PRKCE: variants seen among roughly 807,000 people sequenced by gnomAD.
The protein encoded by PRKCE is protein kinase C epsilon type.
Under a neutral mutation model 85.4 loss-of-function variants are expected in PRKCE, and 16 were observed. The ratio of observed to expected loss-of-function variants is 0.19; its 90% confidence interval spans 0.13 to 0.28. PRKCE has a LOEUF of 0.28. PRKCE is among the 10% of genes least tolerant of loss of function. PRKCE has a pLI of 1.00. For missense variants in PRKCE, 573 were observed against 975.2 expected (o/e 0.59, Z 5.49); for synonymous variants, 388 against 371.5 (o/e 1.04, Z -0.51).
intron 1 of PRKCE, chr2:45,840,663 G>A (rs1341126138): frequency 6.6e-6 from 1 of 152,210 alleles, no homozygotes; most frequent in East Asian, 1.9e-4. Flanking sequence ...CTCCCACGAG[G>A]CACTGAAGAG....
chr2:46,035,785 T>G (rs1418703838), intron 10 of PRKCE, among the ~76,000 whole-genome samples: 1 of 152,216 alleles, frequency 6.6e-6, no homozygotes, highest in Non-Finnish European at 1.5e-5. Flanking sequence ...ATAACAGATA[T>G]GCATTAATTT....
chr2:45,813,031 T>C, intron 1 of PRKCE, among the ~76,000 whole-genome samples: 1 of 152,256 alleles, frequency 6.6e-6, no homozygotes, highest in East Asian at 1.9e-4. Context: ...TTGAAAATTC[T>C]ATCTCTGGGG....
At chr2:45,977,060 C>A (rs1702512437) in intron 3 of PRKCE, among the ~76,000 whole-genome samples, 1 of 151,950 alleles carries the variant, frequency 6.6e-6, no homozygotes, top group Non-Finnish European at 1.5e-5. Flanking sequence ...CCACGCCTGG[C>A]TAATTTTTGT....
At chr2:46,032,014 A>G (rs979708448) in intron 10 of PRKCE, among the ~76,000 whole-genome samples, 1 of 152,176 alleles carries the variant, frequency 6.6e-6, no homozygotes. Flanking sequence ...CTTCCAGCAA[A>G]TATTAACAAT....
At chr2:46,060,637 C>G (rs1406546612) in intron 10 of PRKCE, among the ~76,000 whole-genome samples, 1 of 152,128 alleles carries the variant, frequency 6.6e-6, no homozygotes, top group Non-Finnish European at 1.5e-5. Flanking sequence ...GATTATAAGA[C>G]ACCCCTCCTC....
intron 1 of PRKCE, among the ~76,000 whole-genome samples, chr2:45,782,958 C>T (rs1686311298): frequency 6.6e-6 from 1 of 152,150 alleles, no homozygotes; most frequent in African/African-American, 2.4e-5. Flanking sequence ...CAGGTACTTC[C>T]TCTATATTAT....
intron 5 of PRKCE, among the ~76,000 whole-genome samples, chr2:45,982,369 A>T (rs1202975399): frequency 6.6e-6 from 1 of 152,204 alleles, no homozygotes; most frequent in Non-Finnish European, 1.5e-5. Flanking sequence ...CATGCTTTCA[A>T]TGCCCTCCTT....
chr2:45,736,417 C>T (rs1244914686), intron 1 of PRKCE, among the ~76,000 whole-genome samples: 1 of 152,194 alleles, frequency 6.6e-6, no homozygotes, highest in Non-Finnish European at 1.5e-5. Context: ...CTAGATCATA[C>T]TGTCTAAAGC....
intron 2 of PRKCE, among the ~76,000 whole-genome samples, chr2:45,925,796 G>A (rs896830012): frequency 6.6e-6 from 1 of 152,202 alleles, no homozygotes; most frequent in South Asian, 2.1e-4. Context: ...ACAGAAGGCT[G>A]CTTTCAATCA....
At chr2:45,723,155 T>C (rs1248746780) in intron 1 of PRKCE, among the ~76,000 whole-genome samples, 1 of 152,194 alleles carries the variant, frequency 6.6e-6, no homozygotes, top group East Asian at 1.9e-4. Flanking sequence ...GTTTGCTAAC[T>C]GTGGAAAATA....
intron 11 of PRKCE, among the ~76,000 whole-genome samples, chr2:46,129,687 G>A (rs990581751): frequency 6.6e-6 from 1 of 152,208 alleles, no homozygotes; most frequent in African/African-American, 2.4e-5. Context: ...AGGCAGCCTC[G>A]TGTTCATGCT....
In PRKCE at chr2:46,001,551, C is replaced by G. The variant is rs1383162231; in HGVS notation, c.966+5C>G. ...AGCGGCCAGAGAAGGAAAAAGGTAA[C>G]TGGCTGTTTGGTGGTGTTGCTGGAG... On this transcript the variant is annotated splice_donor_5th_base_variant and intron_variant, in intron 7 of 14. Transcript: ENST00000306156. This position sits in a 1 kb window ranked among gnomAD's most constrained non-coding sequence, Gnocchi z 4.4. 6.3e-7 allele frequency: 1 copy of G among 1,597,452 alleles called. No homozygotes were observed. The highest frequency in any genetic ancestry group is 8.5e-7 in the Non-Finnish European group (1 of 1,178,734).
chr2:46,135,496 A>G (rs1387260956), intron 11 of PRKCE, among the ~76,000 whole-genome samples: 2 of 152,210 alleles, frequency 1.3e-5, no homozygotes, highest in African/African-American at 2.4e-5. Flanking sequence ...AGATTCACAG[A>G]GCACTTGTGG....
At chr2:46,091,612 T>C (rs1056343210) in intron 11 of PRKCE, among the ~76,000 whole-genome samples, 2 of 152,192 alleles carry the variant, frequency 1.3e-5, no homozygotes, top group African/African-American at 4.8e-5. Context: ...AGTGTCCCCA[T>C]GTTTTCTGCC....
In PRKCE at chr2:45,675,512, T is replaced by A. The variant is rs190276064; in HGVS notation, c.348+23064T>A. 5 of 152,382 alleles carry A rather than the reference T, an allele frequency of 3.3e-5. No individual in the cohort carries two copies. The East Asian group carries it at 9.6e-4, about 29-fold the overall frequency. 9.4% of individuals were successfully genotyped at this position (152,382 alleles called of 1,614,324 possible). The stretch of plus-strand genomic sequence containing the variant: ...AATGAATCATAACAGTTGCATTTAA[T>A]GAATTATTCTCCTGGGTATTGGCTA... On this transcript the variant is annotated intron_variant, in intron 1 of 14. Transcript: ENST00000306156.
intron 1 of PRKCE, among the ~76,000 whole-genome samples, chr2:45,766,139 G>A (rs1374573901): frequency 1.3e-5 from 2 of 152,156 alleles, no homozygotes; most frequent in Admixed American, 1.3e-4. Flanking sequence ...TGTTTATGGG[G>A]ATCTGCAGTG....
Position 46,145,093 on chromosome 2 carries a change from G to A in PRKCE, c.1593G>A (p.Arg531=). 1 of 1,599,704 alleles carries A rather than the reference G, an allele frequency of 6.3e-7. No individual in the cohort carries two copies. Among genetic ancestry groups the A allele is most frequent in the African/African-American group, 1.3e-5 (1 of 75,044 alleles). Residue 531 remains arginine (R), a splice_region_variant and synonymous_variant, in exon 12 of 15, where the codon AGG becomes AGA. Transcript: ENST00000306156. The surrounding 1 kb of genome is among the most constrained non-coding windows in gnomAD (Gnocchi z 4.6). ...ATTATGGTCCTGGCCTATCTTGCAG[G>A]GATTTGAAACTGGACAACATCCTTC... is the stretch of plus-strand genomic sequence containing the variant. The part of the protein sequence containing the change: ...MFLHQHGVIY[R]DLKLDNILLD...
At chr2:45,981,884 G>T (rs1223516864) in intron 5 of PRKCE, among the ~76,000 whole-genome samples, 1 of 152,190 alleles carries the variant, frequency 6.6e-6, no homozygotes, top group East Asian at 1.9e-4. Context: ...AAGCTCTTCT[G>T]CACTTTTTTG....
intron 1 of PRKCE, among the ~76,000 whole-genome samples, chr2:45,705,915 G>A (rs570688822): frequency 6.6e-6 from 1 of 152,278 alleles, no homozygotes; most frequent in African/African-American, 2.4e-5. Context: ...ATTGTAACCT[G>A]GGTGTGGAGT....
Sources: allele counts gnomAD v4.1 joint callset (sites outside exome capture counted in the v4.1 genomes callset), GRCh38; gene constraint gnomAD v4.1.1; non-coding constraint Gnocchi (gnomAD v3.1); transcripts MANE v1.5; gene names NCBI Gene and HGNC (gene_info 2026-07-23, HGNC 2026-07-21).